The following SLC9A9 variants were observed in gnomAD, a reference collection of about 807,000 sequenced individuals.
SLC9A9 encodes sodium/hydrogen exchanger 9.
Under a neutral mutation model 77.8 loss-of-function variants are expected in SLC9A9, and 62 were observed. That is an observed-to-expected ratio of 0.80 (90% CI 0.65 to 0.98). The LOEUF (loss-of-function observed/expected upper bound fraction) is 0.98. Among genes scored for constraint, SLC9A9 ranks in the 50% least tolerant of loss-of-function variants. The probability of loss-of-function intolerance (pLI) is 0.00; values close to 1 mark genes in which losing one functional copy is unlikely to be tolerated. For missense variants in SLC9A9, 775 were observed against 774.9 expected (o/e 1.00, Z 0.00); for synonymous variants, 320 against 283.5 (o/e 1.13, Z -1.29).
At position 143,748,862 on chromosome 3, in the gene SLC9A9, C is replaced by A. The variant is rs1437689810; in HGVS notation, c.533+46139G>T. Reference sequence around the variant, plus strand: ...GGGACTACAGGCGCCCGCCACCGCGCCCGGCTAATTTTTTGTATTTTTAGT... The same window carrying A: ...GGGACTACAGGCGCCCGCCACCGCGACCGGCTAATTTTTTGTATTTTTAGT... On this transcript the variant is annotated intron_variant, in intron 4 of 15. Transcript: ENST00000316549. Among the ~76,000 whole-genome samples, 9 of 151,644 alleles carry A rather than the reference C, an allele frequency of 5.9e-5. No individual in the cohort carries two copies. The East Asian group carries it at 1.4e-3, about 23-fold the overall frequency.
At chr3:143,543,358 C>T (rs1197471964) in intron 9 of SLC9A9, among the ~76,000 whole-genome samples, 1 of 150,312 alleles carries the variant, frequency 6.7e-6, no homozygotes, top group Non-Finnish European at 1.5e-5. Flanking sequence ...TGTGTTACCT[C>T]TGTTTCTGGG....
intron 6 of SLC9A9, among the ~76,000 whole-genome samples, chr3:143,625,969 A>G (rs911432708): frequency 1.3e-5 from 2 of 152,246 alleles, no homozygotes; most frequent in Admixed American, 6.5e-5. Flanking sequence ...ATGAACAGAC[A>G]CTTCTCAAAA....
At chr3:143,523,339 T>A (rs1409562386) in intron 9 of SLC9A9, among the ~76,000 whole-genome samples, 1 of 152,166 alleles carries the variant, frequency 6.6e-6, no homozygotes, top group Admixed American at 6.5e-5. Flanking sequence ...AAATAGCTTT[T>A]TGTCTTTTAC....
chr3:143,298,432 C>G (rs1157525908), intron 14 of SLC9A9, among the ~76,000 whole-genome samples: 1 of 152,194 alleles, frequency 6.6e-6, no homozygotes, highest in African/African-American at 2.4e-5. Context: ...CAAGCTCTTA[C>G]TGGGGAGGAT....
intron 12 of SLC9A9, among the ~76,000 whole-genome samples, chr3:143,419,341 CAG>C (rs1160481515): frequency 1.3e-5 from 2 of 152,214 alleles, no homozygotes; most frequent in African/African-American, 4.8e-5. Flanking sequence ...AGAGGTCACA[CAG>C]AGAGTATCAG....
intron 6 of SLC9A9, among the ~76,000 whole-genome samples, chr3:143,607,507 T>C (rs1022278720): frequency 3.3e-5 from 5 of 152,148 alleles, no homozygotes; most frequent in Non-Finnish European, 5.9e-5. Flanking sequence ...TGAAAATCAT[T>C]AAAGCATTTT....
At chr3:143,286,775 C>T (rs2108412749) in intron 14 of SLC9A9, among the ~76,000 whole-genome samples, 1 of 152,316 alleles carries the variant, frequency 6.6e-6, no homozygotes, top group East Asian at 1.9e-4. Flanking sequence ...TCTTCTGGTG[C>T]TTTCCCCAGG....
rs373453324 is a variant in SLC9A9 at position 143,290,135 on chromosome 3, CAG to C, written c.1605-21157_1605-21156del. Reference sequence around the variant, plus strand: ...TCTACAGCCTGCACCCAATATAACTCAGGGGGAGGAGGGAAACCATGTAATCT... The same window carrying C: ...TCTACAGCCTGCACCCAATATAACTCGGGGAGGAGGGAAACCATGTAATCT... On this transcript the variant is annotated intron_variant, in intron 14 of 15. Coordinates refer to ENST00000316549, the MANE Select transcript of SLC9A9 (RefSeq NM_173653.4). Among the ~76,000 whole-genome samples the C allele has an allele frequency of 5.7e-3, 870 of 152,268 alleles. 7 individuals carry two copies. The highest frequency in any genetic ancestry group is 0.019 in the African/African-American group (804 of 41,550).
intron 10 of SLC9A9, 91 bp downstream of exon 10, chr3:143,495,244 A>C: frequency 8.9e-7 from 1 of 1,121,900 alleles, no homozygotes; most frequent in Non-Finnish European, 1.3e-6. Flanking sequence ...GACTTTAGGA[A>C]AGTGCTTTAA....
chr3:143,746,514 T>C (rs780771447), intron 4 of SLC9A9, among the ~76,000 whole-genome samples: 1 of 152,228 alleles, frequency 6.6e-6, no homozygotes, highest in Non-Finnish European at 1.5e-5. Flanking sequence ...ATAATTTATC[T>C]ATTTCCAAAA....
At chr3:143,561,525 GTAGGGTC>G (rs1460680081) in intron 8 of SLC9A9, among the ~76,000 whole-genome samples, 1 of 152,148 alleles carries the variant, frequency 6.6e-6, no homozygotes, top group Non-Finnish European at 1.5e-5. Flanking sequence ...CACGGTAAGA[GTAGGGTC>G]CACGCCTCTC....
intron 2 of SLC9A9, among the ~76,000 whole-genome samples, chr3:143,812,263 G>A (rs1166953297): frequency 1.3e-5 from 2 of 152,222 alleles, no homozygotes; most frequent in African/African-American, 4.8e-5. Context: ...AATTTATCCT[G>A]CAGATATGCT....
chr3:143,476,548 T>C (rs534805174), intron 11 of SLC9A9, among the ~76,000 whole-genome samples: 1 of 152,350 alleles, frequency 6.6e-6, no homozygotes, highest in East Asian at 1.9e-4. Context: ...ATGGATGTAA[T>C]AGTAAACTGC....
At chr3:143,590,464 T>A (rs1473131274) in intron 6 of SLC9A9, among the ~76,000 whole-genome samples, 2 of 152,246 alleles carry the variant, frequency 1.3e-5, no homozygotes, top group Non-Finnish European at 2.9e-5. Context: ...TAGAACATTA[T>A]AAGAATCTTT....
At chr3:143,583,467 T>G (rs2037490072) in intron 6 of SLC9A9, among the ~76,000 whole-genome samples, 1 of 152,218 alleles carries the variant, frequency 6.6e-6, no homozygotes, top group Admixed American at 6.5e-5. Context: ...TTCTTCTATA[T>G]GATGCTCCTG....
intron 14 of SLC9A9, among the ~76,000 whole-genome samples, chr3:143,329,832 G>T (rs1432954452): frequency 1.3e-5 from 2 of 152,086 alleles, no homozygotes; most frequent in Non-Finnish European, 2.9e-5. Flanking sequence ...CAGCAGCCCC[G>T]CTCCTGCCCA....
At chr3:143,396,118 T>A (rs2033722661) in intron 12 of SLC9A9, among the ~76,000 whole-genome samples, 1 of 152,206 alleles carries the variant, frequency 6.6e-6, no homozygotes, top group Non-Finnish European at 1.5e-5. Flanking sequence ...CAAAGGATTA[T>A]AAATCATGCT....
At chr3:143,610,362 G>T (rs1310802510) in intron 6 of SLC9A9, among the ~76,000 whole-genome samples, 1 of 152,134 alleles carries the variant, frequency 6.6e-6, no homozygotes, top group Non-Finnish European at 1.5e-5. Flanking sequence ...GCCCAGGCTG[G>T]TCTTGAACTC....
At chr3:143,829,568 T>A (rs1383182831) in intron 2 of SLC9A9, among the ~76,000 whole-genome samples, 1 of 152,198 alleles carries the variant, frequency 6.6e-6, no homozygotes, top group Non-Finnish European at 1.5e-5. Flanking sequence ...ATAATTCATA[T>A]GATACAATTT....
Sources: gnomAD v4.1 joint callset for allele counts (sites outside exome capture counted in the v4.1 genomes callset) on GRCh38, gnomAD v4.1.1 for gene constraint, MANE v1.5 for transcripts, NCBI Gene and HGNC (gene_info 2026-07-23, HGNC 2026-07-21) for gene names.